TSC22D1: variants seen among roughly 807,000 people sequenced by gnomAD.
The protein encoded by TSC22D1 is TSC22 domain family protein 1.
In TSC22D1, 9 loss-of-function variants were observed where a neutral mutation model predicts 74.2. The ratio of observed to expected loss-of-function variants is 0.12; its 90% confidence interval spans 0.07 to 0.21. The LOEUF is 0.21. Among genes scored for constraint, TSC22D1 ranks in the 10% least tolerant of loss-of-function variants. The pLI is 1.00. For missense variants in TSC22D1, 1,427 were observed against 1,304.7 expected, an observed-to-expected ratio of 1.09 and a Z score of -1.44; for synonymous variants, 586 against 492.5, an observed-to-expected ratio of 1.19 and a Z score of -2.51.
intron 1 of TSC22D1, among the ~76,000 whole-genome samples, chr13:44,438,168 A>T (rs1303233239): frequency 6.6e-6 from 1 of 152,230 alleles, no homozygotes; most frequent in East Asian, 1.9e-4. Flanking sequence ...TAACCTCTAC[A>T]ATACTGCCCT....
chr13:44,541,206 T>G (rs892478854), intron 1 of TSC22D1, among the ~76,000 whole-genome samples: 6 of 152,200 alleles, frequency 3.9e-5, no homozygotes, highest in African/African-American at 1.4e-4. Flanking sequence ...TTCTAATGCC[T>G]TCACTTCCTC....
intron 1 of TSC22D1, among the ~76,000 whole-genome samples, chr13:44,533,215 C>CT (rs1880952624): frequency 6.6e-6 from 1 of 151,976 alleles, no homozygotes; most frequent in Non-Finnish European, 1.5e-5. Context: ...AATCCCAATA[C>CT]TTTGGGAGGC....
At chr13:44,463,555 G>A (rs1877112902) in intron 1 of TSC22D1, among the ~76,000 whole-genome samples, 1 of 152,188 alleles carries the variant, frequency 6.6e-6, no homozygotes, top group African/African-American at 2.4e-5. Context: ...AATTTCATTA[G>A]GAGGTTTGCA....
intron 1 of TSC22D1, among the ~76,000 whole-genome samples, chr13:44,488,381 T>C (rs1878545783): frequency 6.6e-6 from 1 of 152,232 alleles, no homozygotes; most frequent in African/African-American, 2.4e-5. Context: ...TGATTACATA[T>C]TGAAATGACA....
intron 1 of TSC22D1, among the ~76,000 whole-genome samples, chr13:44,532,846 T>C (rs530614016): frequency 2.3e-3 from 355 of 152,258 alleles, no homozygotes; most frequent in Non-Finnish European, 4.4e-3. Flanking sequence ...ATACTTAATA[T>C]GTAGAAGACT....
At chr13:44,561,039 T>G (rs1883003876) in intron 1 of TSC22D1, among the ~76,000 whole-genome samples, 1 of 152,088 alleles carries the variant, frequency 6.6e-6, no homozygotes, top group South Asian at 2.1e-4. Context: ...TCAGAAATGC[T>G]ATGCAAAAAT....
chr13:44,541,213 C>T (rs1171813990), intron 1 of TSC22D1, among the ~76,000 whole-genome samples: 1 of 152,296 alleles, frequency 6.6e-6, no homozygotes, highest in East Asian at 1.9e-4. Flanking sequence ...GCCTTCACTT[C>T]CTCCTGGCTC....
upstream of TSC22D1, chr13:44,576,427 A>C: frequency 4.8e-6 from 1 of 207,752 alleles, no homozygotes; most frequent in East Asian, 1.0e-4. Context: ...AAAGCGAGAA[A>C]TGCCCACCTT....
At chr13:44,460,507 TA>T (rs1876941909) in intron 1 of TSC22D1, among the ~76,000 whole-genome samples, 2 of 149,580 alleles carry the variant, frequency 1.3e-5, no homozygotes, top group Non-Finnish European at 3.0e-5. Flanking sequence ...TGATTCCTAA[TA>T]TTTTTTTACT....
At chr13:44,515,935 A>G (rs1879958625) in intron 1 of TSC22D1, among the ~76,000 whole-genome samples, 1 of 152,234 alleles carries the variant, frequency 6.6e-6, no homozygotes, top group South Asian at 2.1e-4. Context: ...CACTTCAAAT[A>G]AGCAGTAGAA....
chr13:44,444,909 G>A (rs1446652149), intron 1 of TSC22D1, among the ~76,000 whole-genome samples: 1 of 152,094 alleles, frequency 6.6e-6, no homozygotes, highest in Non-Finnish European at 1.5e-5. Flanking sequence ...TTACAAAATT[G>A]AATTTATAGT....
chr13:44,461,765 C>T (rs1029465989), intron 1 of TSC22D1, among the ~76,000 whole-genome samples: 2 of 152,150 alleles, frequency 1.3e-5, no homozygotes, highest in South Asian at 2.1e-4. Context: ...CTAAGGAATC[C>T]GAAATTCACC....
rs1433048952 is a variant in TSC22D1, at chr13:44,432,268, TCCA to T, written c.*2355_*2357del. On this transcript the variant is annotated 3_prime_UTR_variant, in exon 3 of 3. Transcript: ENST00000458659. ...ATTAAATAATGGAGAAAAAAACTTC[TCCA>T]CCATCTTAATACACTGACATGAGAT... is the stretch of plus-strand genomic sequence containing the variant. 6.6e-6 allele frequency: 1 copy of T among 152,214 alleles called. No individual in the cohort carries two copies. The highest frequency in any genetic ancestry group is 1.5e-5 in the Non-Finnish European group (1 of 68,022). The allele number at this position is 152,214 out of a possible 1,614,324, so 9.4% of individuals were successfully genotyped here. A position where few individuals can be genotyped will look rare whatever the true frequency, so the allele number is the denominator to read the frequency against.
intron 1 of TSC22D1, among the ~76,000 whole-genome samples, chr13:44,494,878 T>C (rs888262432): frequency 5.9e-5 from 9 of 152,172 alleles, no homozygotes; most frequent in Non-Finnish European, 1.2e-4. Context: ...AGGAGAATTA[T>C]GTCTCAACAA....
intron 1 of TSC22D1, among the ~76,000 whole-genome samples, chr13:44,509,480 A>T (rs1170409681): frequency 6.6e-6 from 1 of 152,202 alleles, no homozygotes; most frequent in African/African-American, 2.4e-5. Flanking sequence ...CTCTATTAAA[A>T]ATACAAAAAA....
intron 1 of TSC22D1, among the ~76,000 whole-genome samples, chr13:44,442,913 T>G (rs1306381323): frequency 9.2e-5 from 1 of 10,876 alleles, no homozygotes; most frequent in African/African-American, 3.6e-4. Flanking sequence ...CGAGACTCTG[T>G]CAAAAAAAAA....
In TSC22D1 at chr13:44,433,670, A is replaced by C; in HGVS notation, c.*956T>G. The C allele has an allele frequency of 3.1e-6, 1 of 326,788 alleles. No homozygotes were observed. The highest frequency in any genetic ancestry group is 4.9e-5 in the South Asian group (1 of 20,260). 20.2% of individuals were successfully genotyped at this position (326,788 alleles called of 1,614,324 possible). On this transcript the variant is annotated 3_prime_UTR_variant, in exon 3 of 3. Coordinates refer to ENST00000458659, the MANE Select transcript of TSC22D1 (RefSeq NM_183422.4). ...TGCAGAAACCCCTACTGGGAAATCC[A>C]TTTCATTAGTTAGAACTGAGCATTT...
At chr13:44,487,883 C>T (rs894089914) in intron 1 of TSC22D1, among the ~76,000 whole-genome samples, 5 of 151,874 alleles carry the variant, frequency 3.3e-5, no homozygotes, top group Non-Finnish European at 5.9e-5. Flanking sequence ...CGTGGCAATA[C>T]CCCCACTCTA....
chr13:44,565,745 C>T (rs1265881238), intron 1 of TSC22D1, among the ~76,000 whole-genome samples: 1 of 151,998 alleles, frequency 6.6e-6, no homozygotes, highest in Non-Finnish European at 1.5e-5. Flanking sequence ...TTTTTTAAAT[C>T]GAGATGGGGA....
Sources: allele counts gnomAD v4.1 joint callset (sites outside exome capture counted in the v4.1 genomes callset), GRCh38; gene constraint gnomAD v4.1.1; transcripts MANE v1.5; gene names NCBI Gene and HGNC (gene_info 2026-07-23, HGNC 2026-07-21).